PRDM2: variants seen among roughly 807,000 people sequenced by gnomAD.
The protein encoded by PRDM2 is PR/SET domain 2.
A neutral mutation model predicts 130.0 loss-of-function variants in PRDM2; 30 were observed. The ratio of observed to expected loss-of-function variants is 0.23; its 90% CI spans 0.17 to 0.31. PRDM2 has a LOEUF of 0.31. PRDM2 is among the 10% of genes least tolerant of loss of function. The pLI, the probability that PRDM2 is intolerant of heterozygous loss-of-function variation, is 1.00. For missense variants in PRDM2, 2,011 were observed against 2,108.4 expected (o/e 0.95, Z 0.90); for synonymous variants, 871 against 782.4 (o/e 1.11, Z -1.89).
intron 9 of PRDM2, 59 bp downstream of exon 9, chr1:13,816,629 C>T: frequency 6.4e-7 from 1 of 1,552,304 alleles, no homozygotes; most frequent in South Asian, 1.1e-5. Context: ...GGGGTGTGGG[C>T]TTGGGTCTTG....
At chr1:13,715,101 ACTTT>A (rs1642492039) in intron 1 of PRDM2, among the ~76,000 whole-genome samples, 1 of 152,200 alleles carries the variant, frequency 6.6e-6, no homozygotes, top group Non-Finnish European at 1.5e-5. Context: ...AGTAAATTCA[ACTTT>A]CTAATTCAGG....
At chr1:13,777,235 G>T (rs1206275681) in intron 7 of PRDM2, among the ~76,000 whole-genome samples, 2 of 152,038 alleles carry the variant, frequency 1.3e-5, no homozygotes, top group Non-Finnish European at 2.9e-5. Flanking sequence ...AGCACTTGTA[G>T]TCCCGCCCTG....
rs142892893 is a variant in PRDM2 at position 13,728,727 on chromosome 1, A to G, written c.10-2273A>G. 1.1e-3 allele frequency among the ~76,000 whole-genome samples: 161 copies of G among 152,384 alleles called. 1 individual carries two copies. Among genetic ancestry groups the G allele is most frequent in the African/African-American group, 3.8e-3 (156 of 41,592 alleles). On this transcript the variant is annotated intron_variant, in intron 2 of 9. Transcript: ENST00000311066. The stretch of plus-strand genomic sequence containing the variant: ...ATTTAAAAGAAAAAAAAGACAAAAA[A>G]TAATGGGTTGACTTAAAACAGATAA...
At chr1:13,798,997 C>A (rs1206369026) in intron 8 of PRDM2, among the ~76,000 whole-genome samples, 1 of 152,188 alleles carries the variant, frequency 6.6e-6, no homozygotes, top group Admixed American at 6.5e-5. Flanking sequence ...TTCTCCTTCA[C>A]CGTGGTGAGT....
At chr1:13,773,267 T>C in intron 7 of PRDM2, 79 bp downstream of exon 7, 5 of 851,698 alleles carry the variant, frequency 5.9e-6, no homozygotes, top group Non-Finnish European at 8.4e-6. Flanking sequence ...CTTTATATTG[T>C]CCTTCTGAGA....
At chr1:13,786,335 G>C (rs1262841535) in intron 8 of PRDM2, among the ~76,000 whole-genome samples, 1 of 152,098 alleles carries the variant, frequency 6.6e-6, no homozygotes, top group East Asian at 1.9e-4. Context: ...ATAAATGCGT[G>C]TAGTTCCTTG....
In PRDM2 at chr1:13,753,010, C is replaced by A. The variant is rs140097153; in HGVS notation, c.511+3523C>A. The stretch of plus-strand genomic sequence containing the variant: ...CTGGCGTTTACTTCCCTGCTACTTG[C>A]GGAGGAACTACTGAGTTGGTGACTC... On this transcript the variant is annotated intron_variant, in intron 6 of 9. Transcript: ENST00000311066. Among the ~76,000 whole-genome samples the A allele has an allele frequency of 3.3e-4, 51 of 152,300 alleles. No individual in the cohort carries two copies. In the East Asian group the frequency reaches 4.4e-3, roughly 13 times the overall value.
chr1:13,754,696 G>A (rs1643907574), intron 6 of PRDM2, among the ~76,000 whole-genome samples: 1 of 152,246 alleles, frequency 6.6e-6, no homozygotes, highest in Admixed American at 6.5e-5. Context: ...TAAGCTGAAT[G>A]ACAGAGGCCT....
chr1:13,779,389 C>G lies in PRDM2; in HGVS notation c.1594C>G (p.Gln532Glu). 1 of 1,614,148 alleles carries G rather than the reference C, an allele frequency of 6.2e-7. No homozygotes were observed. Among genetic ancestry groups the G allele is most frequent in the Non-Finnish European group, 8.5e-7 (1 of 1,180,014 alleles). ...GCCCCAGCCTCCAGCAGAACAGGCC[C>G]AGGCCACCCAGAACGTGTATGTACC... ...EEPQPPAEQA[Q>E]ATQNVYVPST... Residue 532 changes from glutamine (Q) to glutamate (E), a missense_variant, in exon 8 of 10, where the codon CAG (glutamine) becomes GAG (glutamate). Gln to Glu is a conservative substitution (Grantham distance 29). Transcript: ENST00000311066. The surrounding 1 kb of genome is among the most constrained non-coding windows in gnomAD (Gnocchi z 4.9).
At chr1:13,739,165 G>T (rs1373751991) in intron 4 of PRDM2, among the ~76,000 whole-genome samples, 2 of 151,698 alleles carry the variant, frequency 1.3e-5, no homozygotes, top group Non-Finnish European at 2.9e-5. Context: ...TCCTGCCTCA[G>T]CCTCCCCAGT....
Position 13,780,428 on chromosome 1 carries a change from T to A in PRDM2, c.2633T>A (p.Val878Glu). The A allele has an allele frequency of 6.2e-7, 1 of 1,614,136 alleles. No homozygotes were observed. The highest frequency in any genetic ancestry group is 8.5e-7 in the Non-Finnish European group (1 of 1,180,028). ...TCAGTGCAGCCTACGTGTAGTGCTG[T>A]AAAGAAAAGGAAACCAACCACCTGC... ...SHSVQPTCSA[V>E]KKRKPTTCML... Residue 878 changes from valine (V) to glutamate (E), a missense_variant, in exon 8 of 10, where the codon GTA becomes GAA. Coordinates refer to ENST00000311066, the MANE Select transcript of PRDM2 (RefSeq NM_001393986.1).
At chr1:13,750,257 G>T (rs549956584) in intron 6 of PRDM2, among the ~76,000 whole-genome samples, 15 of 151,658 alleles carry the variant, frequency 9.9e-5, no homozygotes, top group African/African-American at 2.9e-4. Flanking sequence ...ACACGTTGGG[G>T]CTTTTTTTTT....
chr1:13,823,401 C>T lies in PRDM2; in HGVS notation c.*266C>T. On this transcript the variant is annotated 3_prime_UTR_variant, in exon 10 of 10. Coordinates refer to ENST00000311066, the MANE Select transcript of PRDM2 (RefSeq NM_001393986.1). ...CTCCACGCTGTCCTTTGGGATGATA[C>T]TTGGATGCAGCTCTTGGGACCGTGT... 1.7e-6 allele frequency: 1 copy of T among 590,056 alleles called. No homozygotes were observed. The highest frequency in any genetic ancestry group is 3.0e-5 in the Admixed American group (1 of 33,524). The allele number at this position is 590,056 out of a possible 1,614,324, so 36.6% of individuals were successfully genotyped here. A position where few individuals can be genotyped will look rare whatever the true frequency, so the allele number is the denominator to read the frequency against.
chr1:13,782,967 G>T, intron 8 of PRDM2, 136 bp downstream of exon 8: 1 of 1,531,544 alleles, frequency 6.5e-7, no homozygotes, highest in Non-Finnish European at 8.8e-7. Flanking sequence ...TAAGTTAAAG[G>T]CATGAAGGGT....
chr1:13,778,700 A>G lies in PRDM2; in HGVS notation c.905A>G (p.Glu302Gly), dbSNP rs1167850131. The part of the protein sequence containing the change: ...EGEEEASMPN[E>G]NSVKEPEIRC... ...GAAGAAGAAGCCAGCATGCCAAATG[A>G]AAATTCTGTGAAAGAGCCAGAAATA... The change falls in exon 8 of 10, where the codon GAA (glutamate) becomes GGA (glycine). Residue 302 changes from glutamate to glycine, a missense_variant. Around this residue, in one of 5 missense-constraint regions of PRDM2, gnomAD observed 1,288 missense variants for 1,237.7 expected, o/e 1.04. Coordinates refer to ENST00000311066, the MANE Select transcript of PRDM2 (RefSeq NM_001393986.1). The G allele has an allele frequency of 1.9e-6, 3 of 1,614,224 alleles. No individual in the cohort carries two copies. Among genetic ancestry groups the G allele is most frequent in the South Asian group, 1.1e-5 (1 of 91,088 alleles).
intron 5 of PRDM2, among the ~76,000 whole-genome samples, chr1:13,749,117 G>C (rs1259539941): frequency 6.6e-6 from 1 of 152,090 alleles, no homozygotes; most frequent in Non-Finnish European, 1.5e-5. Flanking sequence ...TCCGCTACCC[G>C]TCACCGGGCC....
Position 13,749,447 on chromosome 1 carries a change from C to T in PRDM2, c.471C>T (p.Ala157=), listed in dbSNP as rs774563180. The T allele has an allele frequency of 7.9e-6, 12 of 1,511,584 alleles. No homozygotes were observed. The South Asian group carries it at 1.1e-4, about 14-fold the overall frequency. The allele number at this position is 1,511,584 out of a possible 1,614,324, so 93.6% of individuals were successfully genotyped here. A position where few individuals can be genotyped will look rare whatever the true frequency, so the allele number is the denominator to read the frequency against. The stretch of plus-strand genomic sequence containing the variant: ...CAGCTGCGATTGAGGAAGAGCGAGC[C>T]AGCGCCCGGAGCAAGCGGAGCTCCC... ...EIAAAIEEER[A]SARSKRSSPK... Residue 157 remains alanine (A), a synonymous_variant, in exon 6 of 10, where the codon GCC becomes GCT. Coordinates refer to ENST00000311066, the MANE Select transcript of PRDM2 (RefSeq NM_001393986.1).
intron 6 of PRDM2, among the ~76,000 whole-genome samples, chr1:13,768,228 G>A (rs1480596638): frequency 4.2e-5 from 6 of 141,528 alleles, no homozygotes; most frequent in South Asian, 2.3e-4. Context: ...TACTACAGGC[G>A]CCCACCACCA....
At chr1:13,764,188 A>G (rs1644169925) in intron 6 of PRDM2, among the ~76,000 whole-genome samples, 1 of 152,144 alleles carries the variant, frequency 6.6e-6, no homozygotes, top group Non-Finnish European at 1.5e-5. Context: ...GTTGCCAGGT[A>G]CTGGAAATGC....
Sources: allele counts gnomAD v4.1 joint callset (sites outside exome capture counted in the v4.1 genomes callset), GRCh38; gene constraint gnomAD v4.1.1; regional missense constraint gnomAD v4.1.1; non-coding constraint Gnocchi (gnomAD v3.1); transcripts MANE v1.5; gene names NCBI Gene and HGNC (gene_info 2026-07-23, HGNC 2026-07-21).